Variants in MTR observed in about 807,000 individuals in gnomAD.
MTR encodes the protein methionine synthase.
A neutral mutation model predicts 154.8 loss-of-function variants in MTR; 84 were observed. The observed-to-expected ratio is 0.54, with a 90% CI of 0.45 to 0.65. The LOEUF (loss-of-function observed/expected upper bound fraction) is 0.65, where lower values mean the gene tolerates loss of function less well. Among genes scored for constraint, MTR ranks in the 30% least tolerant of loss-of-function variants. MTR has a pLI of 0.00. For synonymous variants in MTR, 554 were observed against 553.9 expected, an observed-to-expected ratio of 1.00 and a Z score of 0.00; for missense variants, 1,275 against 1,570.2, an observed-to-expected ratio of 0.81 and a Z score of 3.18.
At chr1:236,856,455 T>C (rs922886273) in intron 18 of MTR, among the ~76,000 whole-genome samples, 1 of 143,704 alleles carries the variant, frequency 7.0e-6, no homozygotes, top group Non-Finnish European at 1.5e-5. Flanking sequence ...CTCCTCTCCT[T>C]CTTCTTTCTT....
At position 236,826,878 on chromosome 1, in the gene MTR, C is replaced by T; in HGVS notation, c.977C>T (p.Ser326Leu). 1 of 1,613,960 alleles carries T rather than the reference C, an allele frequency of 6.2e-7. No individual in the cohort carries two copies. Among genetic ancestry groups the T allele is most frequent in the Non-Finnish European group, 8.5e-7 (1 of 1,179,908 alleles). Residue 326 changes from serine to leucine, a missense_variant, in exon 11 of 33, where the codon TCA (serine) becomes TTA (leucine). Transcript: ENST00000366577. The stretch of plus-strand genomic sequence containing the variant: ...AATATAGTTGGAGGATGCTGTGGGT[C>T]AACACCAGATCATATCAGGTAATAA... ...LVNIVGGCCG[S>L]TPDHIREIAE...
rs566083450 is a variant in MTR at position 236,812,780 on chromosome 1, G to A, written c.545G>A (p.Gly182Glu). The A allele has an allele frequency of 1.2e-6, 2 of 1,614,158 alleles. No homozygotes were observed. The highest frequency in any genetic ancestry group is 4.5e-5 in the East Asian group (2 of 44,872). The change falls in exon 6 of 33, where the codon GGA becomes GAA. Residue 182 changes from glycine (G) to glutamate (E), a missense_variant. Coordinates refer to ENST00000366577, the MANE Select transcript of MTR (RefSeq NM_000254.3). ...LVEAYQEQAKGLLDGGVDILL... is the reference protein window; with the variant it reads ...LVEAYQEQAKELLDGGVDILL... ...GAAGCATACCAAGAGCAGGCCAAAG[G>A]ACTTCTGGATGGCGGGGTTGATATC...
intron 18 of MTR, among the ~76,000 whole-genome samples, chr1:236,858,882 C>T (rs1664360491): frequency 6.6e-6 from 1 of 152,072 alleles, no homozygotes; most frequent in Admixed American, 6.6e-5. Flanking sequence ...CTGAATCTGC[C>T]CCTTCTCATC....
intron 22 of MTR, among the ~76,000 whole-genome samples, chr1:236,868,956 TA>T (rs1326001463): frequency 6.6e-6 from 1 of 152,104 alleles, no homozygotes; most frequent in Non-Finnish European, 1.5e-5. Context: ...TTATTTTTTT[TA>T]AAAAGTAATG....
intron 15 of MTR, among the ~76,000 whole-genome samples, chr1:236,844,451 GGCGTGTGTGTGTGTGTGTGTGTGTGT>G (rs1663446147): frequency 8.7e-6 from 1 of 115,382 alleles, no homozygotes; most frequent in Non-Finnish European, 1.7e-5. Flanking sequence ...GTTCAGAAAG[GGCGTGTGTGTGTGTGTGTGTGTGTGT>G]GTGTGTGTGT....
At chr1:236,827,424 A>G (rs961723935) in intron 11 of MTR, among the ~76,000 whole-genome samples, 46 of 152,198 alleles carry the variant, frequency 3.0e-4, no homozygotes, top group African/African-American at 8.4e-4. Flanking sequence ...CATGGTTGCC[A>G]TAATTTTCAA....
chr1:236,811,842 T>C (rs963357292), intron 5 of MTR, among the ~76,000 whole-genome samples: 1 of 152,248 alleles, frequency 6.6e-6, no homozygotes, highest in Non-Finnish European at 1.5e-5. Flanking sequence ...ATACTGGTTT[T>C]GTTACATATT....
At chr1:236,894,196 AT>A in intron 29 of MTR, 160 bp from the exon 30 acceptor site, 1 of 699,282 alleles carries the variant, frequency 1.4e-6, no homozygotes, top group East Asian at 2.7e-5. Flanking sequence ...GTCAGACACA[AT>A]TCCAAGTACT....
At chr1:236,886,100 ACTAT>A (rs1188698380) in intron 26 of MTR, among the ~76,000 whole-genome samples, 188 bp from the exon 27 acceptor site, 1 of 151,128 alleles carries the variant, frequency 6.6e-6, no homozygotes, top group Non-Finnish European at 1.5e-5. Context: ...TTAAGTCTTT[ACTAT>A]CTATTGTTCT....
At chr1:236,817,954 A>AT (rs1272038867) in intron 8 of MTR, among the ~76,000 whole-genome samples, 1 of 152,152 alleles carries the variant, frequency 6.6e-6, no homozygotes, top group African/African-American at 2.4e-5. Context: ...TTCTTGGCAC[A>AT]TAGTAGGGAT....
chr1:236,824,333 G>C (rs972630873), intron 9 of MTR, 114 bp downstream of exon 9: 1 of 927,656 alleles, frequency 1.1e-6, no homozygotes, highest in Non-Finnish European at 1.8e-6. Flanking sequence ...TGGTATAGTT[G>C]ACACTTAATA....
Position 236,895,570 on chromosome 1 carries a change from G to A in MTR, c.3598+20G>A, listed in dbSNP as rs1342943417. On this transcript the variant is annotated intron_variant, in intron 31 of 32. Coordinates refer to ENST00000366577, the MANE Select transcript of MTR (RefSeq NM_000254.3). ...CTACAGGTAGGAGCCAGGAGGCTGC[G>A]GGTTCCTGTCTTCCTTCTTCAGTAG... The A allele has an allele frequency of 4.5e-6, 7 of 1,555,206 alleles. No individual in the cohort carries two copies. The highest frequency in any genetic ancestry group is 2.4e-5 in the East Asian group (1 of 41,180).
intron 15 of MTR, among the ~76,000 whole-genome samples, chr1:236,846,948 G>A (rs762501431): frequency 2.6e-5 from 4 of 151,988 alleles, no homozygotes; most frequent in South Asian, 2.1e-4. Context: ...GTGCGGTGGC[G>A]TGATCTCAGC....
In MTR at chr1:236,900,528, C is replaced by T. The variant is rs1485845097; in HGVS notation, c.*2884C>T. Reference sequence around the variant, plus strand: ...CCAAGTTATGCAGCTGTTCTGGTTCCTCCTGGTAGGCTTACAAGTGTTTAC... The same window carrying T: ...CCAAGTTATGCAGCTGTTCTGGTTCTTCCTGGTAGGCTTACAAGTGTTTAC... On this transcript the variant is annotated 3_prime_UTR_variant, in exon 33 of 33. Transcript: ENST00000366577. 6.5e-6 allele frequency: 1 copy of T among 153,516 alleles called. No homozygotes were observed. The highest frequency in any genetic ancestry group is 1.5e-5 in the Non-Finnish European group (1 of 68,912). 9.5% of individuals were successfully genotyped at this position (153,516 alleles called of 1,614,324 possible). A position where few individuals can be genotyped will look rare whatever the true frequency, so the allele number is the denominator to read the frequency against.
intron 1 of MTR, chr1:236,800,548 G>A (rs1660647240): frequency 1.1e-6 from 1 of 920,090 alleles, no homozygotes; most frequent in African/African-American, 1.8e-5. Context: ...CTTTCACTGA[G>A]TATTTTCTTC....
chr1:236,843,349 G>T (rs1287378034), intron 15 of MTR, among the ~76,000 whole-genome samples: 4 of 152,086 alleles, frequency 2.6e-5, no homozygotes, highest in African/African-American at 9.7e-5. Flanking sequence ...AAACCAACAG[G>T]GAAGCCAGAG....
At chr1:236,842,784 GTA>G (rs60138451) in intron 15 of MTR, among the ~76,000 whole-genome samples, 13 of 144,472 alleles carry the variant, frequency 9.0e-5, no homozygotes, top group South Asian at 2.2e-4. Context: ...AAAAAAAGAT[GTA>G]TATATATATA....
chr1:236,831,719 C>A (rs1159890249), intron 12 of MTR, among the ~76,000 whole-genome samples: 1 of 152,130 alleles, frequency 6.6e-6, no homozygotes, highest in East Asian at 1.9e-4. Flanking sequence ...TTATTTGCAA[C>A]ATAAAACTCT....
intron 29 of MTR, 143 bp from the exon 30 acceptor site, chr1:236,894,214 G>A: frequency 1.4e-6 from 1 of 739,878 alleles, no homozygotes; most frequent in Non-Finnish European, 2.4e-6. Context: ...TACTGGGGAT[G>A]TAACAGTGCA....
Sources: gnomAD v4.1 joint callset for allele counts (sites outside exome capture counted in the v4.1 genomes callset) on GRCh38, gnomAD v4.1.1 for gene constraint, MANE v1.5 for transcripts, NCBI Gene and HGNC (gene_info 2026-07-23, HGNC 2026-07-21) for gene names.